SCML4: variants seen among roughly 807,000 people sequenced by gnomAD.
SCML4 encodes the protein Scm polycomb group protein like 4.
A neutral mutation model predicts 41.1 loss-of-function variants in SCML4; 34 were observed. The ratio of observed to expected loss-of-function variants is 0.83; its 90% CI spans 0.63 to 1.10. The LOEUF (loss-of-function observed/expected upper bound fraction) is 1.10, where lower values mean the gene tolerates loss of function less well. Ranked by LOEUF, SCML4 falls within the 50% of genes least tolerant of loss-of-function variation. The pLI is 0.00. For missense variants in SCML4, 522 were observed against 534.1 expected, an observed-to-expected ratio of 0.98 and a Z score of 0.22; for synonymous variants, 214 against 220.9, an observed-to-expected ratio of 0.97 and a Z score of 0.28.
At chr6:107,787,716 C>A (rs1447036983) in intron 1 of SCML4, among the ~76,000 whole-genome samples, 1 of 152,162 alleles carries the variant, frequency 6.6e-6, no homozygotes, top group East Asian at 1.9e-4. Flanking sequence ...TCAAATAACA[C>A]AAATCACAAC....
rs1317922238 is a variant in SCML4, at chr6:107,703,608, C to T, written c.*1592G>A. 6.6e-6 allele frequency among the ~76,000 whole-genome samples: 1 copy of T among 152,188 alleles called. No homozygotes were observed. Among genetic ancestry groups the T allele is most frequent in the Non-Finnish European group, 1.5e-5 (1 of 68,040 alleles). ...ACCCAGGGCTGCCCTCAAGGTTATA[C>T]AGGTCATGCTCTGTACAACGGCAGC... On this transcript the variant is annotated 3_prime_UTR_variant, in exon 8 of 8. Coordinates refer to ENST00000369020, the MANE Select transcript of SCML4 (RefSeq NM_198081.5).
chr6:107,714,429 C>T (rs552381663), intron 6 of SCML4, among the ~76,000 whole-genome samples: 58 of 152,258 alleles, frequency 3.8e-4, no homozygotes, highest in African/African-American at 1.1e-3. Flanking sequence ...TTCCAGACTC[C>T]GAAGGGTAGG....
At chr6:107,788,559 A>C (rs1383394549) in intron 1 of SCML4, among the ~76,000 whole-genome samples, 2 of 152,232 alleles carry the variant, frequency 1.3e-5, no homozygotes, top group African/African-American at 4.8e-5. Context: ...AAATACACCC[A>C]TCCAGACAAT....
chr6:107,751,572 A>ATCTTTCTTTCTT (rs36148554), intron 2 of SCML4, among the ~76,000 whole-genome samples: 2,814 of 87,694 alleles, frequency 0.032, 120 homozygotes, highest in East Asian at 0.051. Context: ...CATTTTAACA[A>ATCTTTCTTTCTT]TCTTTCTTTC....
chr6:107,727,809 A>G lies in SCML4; in HGVS notation c.683-6816T>C, dbSNP rs189773649. Among the ~76,000 whole-genome samples the G allele has an allele frequency of 6.0e-3, 913 of 152,372 alleles. 8 individuals carry two copies. The highest frequency in any genetic ancestry group is 0.011 in the Non-Finnish European group (735 of 68,036). The stretch of plus-strand genomic sequence containing the variant: ...ATCTACTATCTACTATCTACGATCT[A>G]AAGCCAGTAAGCAGTAAGGCTGCCA... On this transcript the variant is annotated intron_variant, in intron 5 of 7. Coordinates refer to ENST00000369020, the MANE Select transcript of SCML4 (RefSeq NM_198081.5).
At chr6:107,844,744 T>C in the SCML4 span, among the ~76,000 whole-genome samples, 25,679 of 151,736 alleles carry the variant, frequency 0.17, 2,779 homozygotes, top group Middle Eastern at 0.26. Flanking sequence ...CTAACACTCA[T>C]TATATATTTT....
intron 2 of SCML4, among the ~76,000 whole-genome samples, chr6:107,751,574 CTTTCTT>C (rs2114512228): frequency 4.6e-5 from 2 of 43,294 alleles, no homozygotes; most frequent in South Asian, 1.9e-3. Flanking sequence ...TTTTAACAAT[CTTTCTT>C]TCTTTCTTTC....
chr6:107,713,954 C>G (rs1169381346), intron 6 of SCML4, among the ~76,000 whole-genome samples: 1 of 152,172 alleles, frequency 6.6e-6, no homozygotes, highest in African/African-American at 2.4e-5. Context: ...ATCTGTTGCC[C>G]AGGCTGGAGT....
chr6:107,719,127 C>T (rs1775115820), intron 6 of SCML4: 1 of 152,246 alleles, frequency 6.6e-6, no homozygotes, highest in Admixed American at 6.5e-5. Context: ...CAATGTTGCT[C>T]TCCTTTGGAA....
At chr6:107,745,444 C>A (rs748690821) in intron 4 of SCML4, 6 of 249,552 alleles carry the variant, frequency 2.4e-5, no homozygotes, top group Non-Finnish European at 4.6e-5. Flanking sequence ...AATGTCCCTC[C>A]GTTTGGATTT....
intron 2 of SCML4, among the ~76,000 whole-genome samples, chr6:107,766,682 T>G (rs4946859): frequency 0.26 from 39,310 of 152,124 alleles, 6,455 homozygotes; most frequent in African/African-American, 0.46. Context: ...CAGATCCACC[T>G]CTGAGCCTCA....
At chr6:107,833,341 G>A in the SCML4 span, among the ~76,000 whole-genome samples, 1 of 152,118 alleles carries the variant, frequency 6.6e-6, no homozygotes, top group African/African-American at 2.4e-5. Context: ...GTTAAGAGCC[G>A]GGCCTTACCT....
At chr6:107,793,977 CAAAAA>C (rs1192682918) in intron 1 of SCML4, among the ~76,000 whole-genome samples, 1 of 152,086 alleles carries the variant, frequency 6.6e-6, no homozygotes, top group East Asian at 1.9e-4. Flanking sequence ...AACAAGCAAA[CAAAAA>C]GAAGAAGAAG....
chr6:107,720,783 C>T lies in SCML4; in HGVS notation c.893G>A (p.Gly298Asp). Reference sequence around the variant, plus strand: ...CCTCAGCCCAGGTGCCGAGGGGCCACCAGAAGACATGGGGCTAGTGCGGGG... The same window carrying T: ...CCTCAGCCCAGGTGCCGAGGGGCCATCAGAAGACATGGGGCTAGTGCGGGG... ...GGPRTSPMSS[G>D]GPSAPGLRPP... The change falls in exon 6 of 8, where the codon GGT (glycine) becomes GAT (aspartate). Residue 298 changes from glycine to aspartate, a missense_variant. Coordinates refer to ENST00000369020, the MANE Select transcript of SCML4 (RefSeq NM_198081.5). The T allele has an allele frequency of 6.2e-7, 1 of 1,613,406 alleles. No individual in the cohort carries two copies. The highest frequency in any genetic ancestry group is 8.5e-7 in the Non-Finnish European group (1 of 1,179,682).
At chr6:107,726,012 G>A (rs992834588) in intron 5 of SCML4, among the ~76,000 whole-genome samples, 1 of 149,444 alleles carries the variant, frequency 6.7e-6, no homozygotes, top group Non-Finnish European at 1.5e-5. Context: ...GGGAGGCAGA[G>A]GTTGCAGTGA....
chr6:107,751,849 T>C lies in SCML4; in HGVS notation c.157-2036A>G, dbSNP rs575948666. ...CAGGCTTTCACCATGTTGGCCAGGC[T>C]GATCTCAAACTCTTGACCTCATGAT... On this transcript the variant is annotated intron_variant, in intron 2 of 7. Coordinates refer to ENST00000369020, the MANE Select transcript of SCML4 (RefSeq NM_198081.5). 8.5e-4 allele frequency among the ~76,000 whole-genome samples: 129 copies of C among 152,242 alleles called. No homozygotes were observed. In the Middle Eastern group the frequency reaches 0.01, roughly 12 times the overall value.
intron 2 of SCML4, among the ~76,000 whole-genome samples, chr6:107,771,617 G>A (rs542883040): frequency 2.0e-5 from 3 of 152,252 alleles, no homozygotes; most frequent in African/African-American, 4.8e-5. Flanking sequence ...AGCCAAACTC[G>A]ACATCAGCAC....
At chr6:107,758,187 A>G (rs954879321) in intron 2 of SCML4, among the ~76,000 whole-genome samples, 2 of 152,214 alleles carry the variant, frequency 1.3e-5, no homozygotes, top group Non-Finnish European at 2.9e-5. Context: ...CTTGTTCTCA[A>G]TGCAAGCAAC....
chr6:107,755,017 T>C (rs1778986184), intron 2 of SCML4, among the ~76,000 whole-genome samples: 1 of 151,972 alleles, frequency 6.6e-6, no homozygotes, highest in Non-Finnish European at 1.5e-5. Flanking sequence ...GGCAGGAGGA[T>C]TGCTTGAACC....
Sources: gnomAD v4.1 joint callset for allele counts (sites outside exome capture counted in the v4.1 genomes callset) on GRCh38, gnomAD v4.1.1 for gene constraint, MANE v1.5 for transcripts, NCBI Gene and HGNC (gene_info 2026-07-23, HGNC 2026-07-21) for gene names.